NUDT5: variants seen among roughly 807,000 people sequenced by gnomAD.
The protein encoded by NUDT5 is nudix hydrolase 5, also known as ADP-sugar pyrophosphatase.
A neutral mutation model predicts 34.1 loss-of-function variants in NUDT5; 21 were observed. That is an observed-to-expected ratio of 0.62 (90% CI 0.44 to 0.89). NUDT5 has a LOEUF of 0.89. Ranked by LOEUF, NUDT5 falls within the 40% of genes least tolerant of loss-of-function variation. NUDT5 has a pLI of 0.00. For synonymous variants in NUDT5, 85 were observed against 97.6 expected, an observed-to-expected ratio of 0.87 and a Z score of 0.76; for missense variants, 249 against 274.8, an observed-to-expected ratio of 0.91 and a Z score of 0.66.
At chr10:12,178,917 T>C in intron 4 of NUDT5, 166 bp downstream of exon 4, 1 of 631,470 alleles carries the variant, frequency 1.6e-6, no homozygotes, top group Non-Finnish European at 2.8e-6. Flanking sequence ...AGCCAGAAGT[T>C]ACTTATAAAG....
intron 1 of NUDT5, among the ~76,000 whole-genome samples, chr10:12,190,606 C>CTTTT (rs1013405393): frequency 5.5e-5 from 7 of 127,958 alleles, no homozygotes; most frequent in Non-Finnish European, 8.3e-5. Flanking sequence ...ATGATAAAGC[C>CTTTT]TTTTTTTTTT....
In NUDT5 at chr10:12,173,960, C is replaced by T. The variant is rs532703097; in HGVS notation, c.290-147G>A. ...CGGCCCACTGCAACCTCCGCCCGTC[C>T]AGGTTTAAGCAATTCTCTGCTTCAG... On this transcript the variant is annotated intron_variant, in intron 5 of 9. Coordinates refer to ENST00000491614, the MANE Select transcript of NUDT5 (RefSeq NM_014142.4). The surrounding 1 kb of genome is among the most constrained non-coding windows in gnomAD (Gnocchi z 4.7). The T allele has an allele frequency of 4.8e-6, 3 of 623,304 alleles. No individual in the cohort carries two copies. Among genetic ancestry groups the T allele is most frequent in the African/African-American group, 1.8e-5 (1 of 54,546 alleles). 38.6% of individuals were successfully genotyped at this position (623,304 alleles called of 1,614,324 possible).
Position 12,169,407 on chromosome 10 carries a change from T to C in NUDT5, c.550+1310A>G. 3.2e-6 allele frequency: 3 copies of C among 948,304 alleles called. No homozygotes were observed. Among genetic ancestry groups the C allele is most frequent in the Middle Eastern group, 2.1e-4 (1 of 4,652 alleles). The allele number at this position is 948,304 out of a possible 1,614,324, so 58.7% of individuals were successfully genotyped here. A position where few individuals can be genotyped will look rare whatever the true frequency, so the allele number is the denominator to read the frequency against. ...ACCTCCTCAGAGGGAGGGGCTGTTATTGTTCCTGTTTTATGAAAAAAGCCG... is the reference window on the plus strand; with the variant it reads ...ACCTCCTCAGAGGGAGGGGCTGTTACTGTTCCTGTTTTATGAAAAAAGCCG... On this transcript the variant is annotated intron_variant, in intron 9 of 9. Coordinates refer to ENST00000491614, the MANE Select transcript of NUDT5 (RefSeq NM_014142.4). This position sits in a 1 kb window ranked among gnomAD's most constrained non-coding sequence, Gnocchi z 4.8.
At position 12,170,625 on chromosome 10, in the gene NUDT5, ATAAAGAAATGGAGTTATAT is replaced by A; in HGVS notation, c.550+73_550+91del. The A allele has an allele frequency of 8.4e-7, 1 of 1,191,328 alleles. No individual in the cohort carries two copies. Among genetic ancestry groups the A allele is most frequent in the South Asian group, 1.2e-5 (1 of 80,444 alleles). 73.8% of individuals were successfully genotyped at this position (1,191,328 alleles called of 1,614,324 possible). On this transcript the variant is annotated intron_variant, in intron 9 of 9. Coordinates refer to ENST00000491614, the MANE Select transcript of NUDT5 (RefSeq NM_014142.4). This position sits in a 1 kb window ranked among gnomAD's most constrained non-coding sequence, Gnocchi z 4.9. The stretch of plus-strand genomic sequence containing the variant: ...ATTTGACTTTAGTGATACAAAAAAG[ATAAAGAAATGGAGTTATAT>A]TTAGTACCCAGTTTGCTGGGATGGG...
rs532948907 is a variant in NUDT5, at chr10:12,171,686, A to T, written c.488-778T>A. 3.2e-4 allele frequency among the ~76,000 whole-genome samples: 46 copies of T among 142,984 alleles called. No individual in the cohort carries two copies. Among genetic ancestry groups the T allele is most frequent in the Middle Eastern group, 3.7e-3 (1 of 268 alleles). 93.8% of individuals were successfully genotyped at this position (142,984 alleles called of 152,430 possible). A position where few individuals can be genotyped will look rare whatever the true frequency, so the allele number is the denominator to read the frequency against. On this transcript the variant is annotated intron_variant, in intron 7 of 9. Coordinates refer to ENST00000491614, the MANE Select transcript of NUDT5 (RefSeq NM_014142.4). This position sits in a 1 kb window ranked among gnomAD's most constrained non-coding sequence, Gnocchi z 4.2. ...ATGTGCAGTTCAAAAATTAAGATTT[A>T]TTTTATTTATTTATTTATTTATTTA...
rs147245270 is a variant in NUDT5 at position 12,188,523 on chromosome 10, G to C, written c.-41-2191C>G. On this transcript the variant is annotated intron_variant, in intron 1 of 9. Coordinates refer to ENST00000491614, the MANE Select transcript of NUDT5 (RefSeq NM_014142.4). ...CAGGGCGGGTGGATCACGAGGTCAAGAGATGGAGACCATCCTGGCCAACAT... is the reference window on the plus strand; with the variant it reads ...CAGGGCGGGTGGATCACGAGGTCAACAGATGGAGACCATCCTGGCCAACAT... 1.7e-3 allele frequency among the ~76,000 whole-genome samples: 257 copies of C among 152,262 alleles called. 3 individuals are homozygous for C. Among genetic ancestry groups the C allele is most frequent in the African/African-American group, 5.9e-3 (245 of 41,548 alleles).
chr10:12,167,741 T>A lies in NUDT5; in HGVS notation c.621A>T (p.Ala207=), dbSNP rs766044683. The A allele has an allele frequency of 6.2e-7, 1 of 1,614,198 alleles. No homozygotes were observed. Among genetic ancestry groups the A allele is most frequent in the Non-Finnish European group, 8.5e-7 (1 of 1,180,026 alleles). Residue 207 remains alanine (A), a synonymous_variant, in exon 10 of 10, where the codon GCA becomes GCT. Transcript: ENST00000491614. ...VYSYALALKH[A]NAKPFEVPFL... Reference sequence around the variant, plus strand: ...AGGGCACTTCAAATGGCTTTGCATTTGCATGTTTCAGTGCTAGAGCGTAGG... The same window carrying A: ...AGGGCACTTCAAATGGCTTTGCATTAGCATGTTTCAGTGCTAGAGCGTAGG...
In NUDT5 at chr10:12,179,064, A is replaced by G; in HGVS notation, c.181+19T>C. 1 of 1,608,920 alleles carries G rather than the reference A, an allele frequency of 6.2e-7. No homozygotes were observed. Among genetic ancestry groups the G allele is most frequent in the Non-Finnish European group, 8.5e-7 (1 of 1,175,324 alleles). On this transcript the variant is annotated intron_variant, in intron 4 of 9. Transcript: ENST00000491614. The stretch of plus-strand genomic sequence containing the variant: ...GCTAACTTCCTTTCTAAAGGGTTGG[A>G]ATAGGTTTGCACTCCTACCATCCGC...
chr10:12,181,306 G>T lies in NUDT5; in HGVS notation c.132-2174C>A, dbSNP rs1469428235. ...CTGAGTATCTGCATTTTCATATCAGGGACTTCAGCATCTGTGGATTTTGGT... is the reference window on the plus strand; with the variant it reads ...CTGAGTATCTGCATTTTCATATCAGTGACTTCAGCATCTGTGGATTTTGGT... On this transcript the variant is annotated intron_variant, in intron 3 of 9. Coordinates refer to ENST00000491614, the MANE Select transcript of NUDT5 (RefSeq NM_014142.4). This position sits in a 1 kb window ranked among gnomAD's most constrained non-coding sequence, Gnocchi z 5.0. 6.6e-6 allele frequency among the ~76,000 whole-genome samples: 1 copy of T among 152,114 alleles called. No individual in the cohort carries two copies. The highest frequency in any genetic ancestry group is 1.5e-5 in the Non-Finnish European group (1 of 68,024).
intron 7 of NUDT5, among the ~76,000 whole-genome samples, chr10:12,172,323 G>C (rs1834872012): frequency 6.6e-6 from 1 of 151,580 alleles, no homozygotes; most frequent in African/African-American, 2.4e-5. Flanking sequence ...TTCTGTCACA[G>C]AGTGGCACCA....
intron 7 of NUDT5, 91 bp downstream of exon 7, chr10:12,172,674 G>T: frequency 1.3e-6 from 1 of 795,964 alleles, no homozygotes; most frequent in Non-Finnish European, 2.2e-6. Context: ...TTCCATGAAA[G>T]ACTACATTCT....
intron 2 of NUDT5, among the ~76,000 whole-genome samples, chr10:12,185,824 GAA>G (rs1392388081): frequency 6.6e-6 from 1 of 152,190 alleles, no homozygotes; most frequent in East Asian, 1.9e-4. Flanking sequence ...ATTGGTTCTA[GAA>G]TTCACTGGAA....
intron 4 of NUDT5, among the ~76,000 whole-genome samples, chr10:12,178,509 TG>T (rs1472950421): frequency 6.6e-6 from 1 of 152,222 alleles, no homozygotes; most frequent in African/African-American, 2.4e-5. Flanking sequence ...AGCTACTGTT[TG>T]CTTCCAGCAA....
chr10:12,195,218 G>A (rs1183838040), intron 1 of NUDT5, among the ~76,000 whole-genome samples: 1 of 152,114 alleles, frequency 6.6e-6, no homozygotes, highest in Admixed American at 6.5e-5. Context: ...AAACAAAACT[G>A]AACTTTGCTG....
intron 5 of NUDT5, among the ~76,000 whole-genome samples, chr10:12,176,388 G>A (rs1358587319): frequency 1.3e-5 from 2 of 151,890 alleles, no homozygotes; most frequent in African/African-American, 2.4e-5. Context: ...TGGATCACCT[G>A]AGGTCAGGAG....
rs1588652798 is a variant in NUDT5 at position 12,168,905 on chromosome 10, G to A, written c.551-1094C>T. ...AGCCTCCTGAGTAGCTGGGACTACCGGCATGTACCACCATGCCTGGCTAAT... is the reference window on the plus strand; with the variant it reads ...AGCCTCCTGAGTAGCTGGGACTACCAGCATGTACCACCATGCCTGGCTAAT... On this transcript the variant is annotated intron_variant, in intron 9 of 9. Coordinates refer to ENST00000491614, the MANE Select transcript of NUDT5 (RefSeq NM_014142.4). This position sits in a 1 kb window ranked among gnomAD's most constrained non-coding sequence, Gnocchi z 4.8. 1.3e-5 allele frequency among the ~76,000 whole-genome samples: 2 copies of A among 152,046 alleles called. No homozygotes were observed. Among genetic ancestry groups the A allele is most frequent in the South Asian group, 2.1e-4 (1 of 4,810 alleles).
In NUDT5 at chr10:12,165,443, T is replaced by A. The variant is rs1834647143; in HGVS notation, c.*2259A>T. The A allele has an allele frequency of 1.2e-6, 1 of 818,442 alleles. No homozygotes were observed. Among genetic ancestry groups the A allele is most frequent in the East Asian group, 1.3e-4 (1 of 7,992 alleles). 50.7% of individuals were successfully genotyped at this position (818,442 alleles called of 1,614,324 possible). ...GATCATTTGTATAGGTTCAGTGTAT[T>A]CATAAGAAGTCCACCCTGAGATGCC... On this transcript the variant is annotated 3_prime_UTR_variant, in exon 10 of 10. Transcript: ENST00000491614.
intron 3 of NUDT5, chr10:12,184,625 C>T (rs1330532160): frequency 4.1e-6 from 5 of 1,230,216 alleles, no homozygotes; most frequent in Non-Finnish European, 5.6e-6. Flanking sequence ...TAGGTTTGGC[C>T]CAAAAGTTTT....
At chr10:12,185,996 T>G (rs1724513314) in intron 2 of NUDT5, among the ~76,000 whole-genome samples, 1 of 152,112 alleles carries the variant, frequency 6.6e-6, no homozygotes, top group African/African-American at 2.4e-5. Flanking sequence ...GATTAAGAAT[T>G]TTTCTGTTAA....
Sources: allele counts gnomAD v4.1 joint callset (sites outside exome capture counted in the v4.1 genomes callset), GRCh38; gene constraint gnomAD v4.1.1; non-coding constraint Gnocchi (gnomAD v3.1); transcripts MANE v1.5; gene names NCBI Gene and HGNC (gene_info 2026-07-23, HGNC 2026-07-21).